Variants in ANKRD11 observed in about 807,000 individuals in gnomAD.
ANKRD11 encodes the protein ankyrin repeat domain 11.
A neutral mutation model predicts 195.7 loss-of-function variants in ANKRD11; 17 were observed. The ratio of observed to expected loss-of-function variants is 0.09; its 90% CI spans 0.06 to 0.13. The LOEUF (loss-of-function observed/expected upper bound fraction) is 0.13, where lower values mean the gene tolerates loss of function less well. ANKRD11 is among the 10% of genes least tolerant of loss of function. ANKRD11 has a pLI of 1.00. For synonymous variants in ANKRD11, 1,953 were observed against 1,528.1 expected (o/e 1.28, Z -6.49); for missense variants, 3,735 against 3,566.1 (o/e 1.05, Z -1.21).
chr16:89,281,632 A>G lies in ANKRD11; in HGVS notation c.4910T>C (p.Ile1637Thr). ...ADDGRKKGLD[I>T]PAKKPPGLDP... is the part of the protein sequence containing the mutation. ...CAGCCCCGGCGGTTTCTTAGCAGGA[A>G]TGTCCAGACCCTTCTTCCGCCCGTC... Residue 1637 changes from isoleucine (I) to threonine (T), a missense_variant, in exon 9 of 13, where the codon ATT (isoleucine) becomes ACT (threonine). Transcript: ENST00000301030. The surrounding 1 kb of genome is among the most constrained non-coding windows in gnomAD (Gnocchi z 5.5). 6.2e-7 allele frequency: 1 copy of G among 1,614,156 alleles called. No individual in the cohort carries two copies. Among genetic ancestry groups the G allele is most frequent in the Non-Finnish European group, 8.5e-7 (1 of 1,180,020 alleles).
At chr16:89,299,170 A>T (rs1206740620) in intron 4 of ANKRD11, 1 of 156,360 alleles carries the variant, frequency 6.4e-6, no homozygotes, top group Non-Finnish European at 1.4e-5. Flanking sequence ...GCCCCTGTGT[A>T]TCGAGGAGAG....
intron 2 of ANKRD11, among the ~76,000 whole-genome samples, chr16:89,327,657 T>C (rs2037806196): frequency 1.3e-5 from 2 of 152,110 alleles, no homozygotes; most frequent in Non-Finnish European, 2.9e-5. Flanking sequence ...AAATACACAG[T>C]ACCATTCTAT....
chr16:89,476,124 G>A (rs77754982), intron 1 of ANKRD11, among the ~76,000 whole-genome samples: 3,776 of 151,238 alleles, frequency 0.025, 99 homozygotes, highest in East Asian at 0.15. Flanking sequence ...TGCAAATTAT[G>A]AGAACAAAAA....
intron 1 of ANKRD11, among the ~76,000 whole-genome samples, chr16:89,468,154 G>T (rs1332080958): frequency 6.6e-6 from 1 of 152,154 alleles, no homozygotes; most frequent in African/African-American, 2.4e-5. Flanking sequence ...GGAAAGAAGG[G>T]TCTATTAACT....
In ANKRD11 at chr16:89,282,903, G is replaced by A. The variant is rs753377859; in HGVS notation, c.3639C>T (p.Ser1213=). The change falls in exon 9 of 13, where the codon TCC becomes TCT. Residue 1213 remains serine, a synonymous_variant. Coordinates refer to ENST00000301030, the MANE Select transcript of ANKRD11 (RefSeq NM_013275.6). ...CCTTCCTGTCCTTGTACTTTTCTGT[G>A]GACTCTTTATCCTTCTTCTCCTTGT... ...EKHKEKKDKE[S]TEKYKDRKDR... is the part of the protein sequence containing the mutation. 1.1e-5 allele frequency: 17 copies of A among 1,612,520 alleles called. No individual in the cohort carries two copies. In the Admixed American group the frequency reaches 1.7e-4, roughly 16 times the overall value.
intron 2 of ANKRD11, among the ~76,000 whole-genome samples, chr16:89,362,454 C>A (rs2039773243): frequency 6.6e-6 from 1 of 152,200 alleles, no homozygotes; most frequent in South Asian, 2.1e-4. Context: ...AAGTGAACAG[C>A]ACTGAAGCCG....
intron 2 of ANKRD11, among the ~76,000 whole-genome samples, chr16:89,336,639 GCAC>G (rs1019647361): frequency 3.9e-5 from 6 of 152,134 alleles, no homozygotes; most frequent in Non-Finnish European, 7.3e-5. Context: ...CCACCTGTGG[GCAC>G]CACACCCCCC....
At chr16:89,457,028 C>T (rs1226134073) in intron 1 of ANKRD11, among the ~76,000 whole-genome samples, 1 of 147,084 alleles carries the variant, frequency 6.8e-6, no homozygotes, top group Admixed American at 6.9e-5. Flanking sequence ...GGCGCAATCT[C>T]GGCTCACTGC....
At chr16:89,340,761 GA>G (rs1294594214) in intron 2 of ANKRD11, among the ~76,000 whole-genome samples, 3 of 152,154 alleles carry the variant, frequency 2.0e-5, no homozygotes, top group Non-Finnish European at 2.9e-5. Context: ...CAAAATCTTG[GA>G]AGAGGCACAA....
intron 4 of ANKRD11, among the ~76,000 whole-genome samples, chr16:89,295,673 G>A (rs1762808389): frequency 1.3e-5 from 2 of 152,138 alleles, no homozygotes. Flanking sequence ...AGGCAGCAGA[G>A]ACTGGAGGCG....
intron 1 of ANKRD11, among the ~76,000 whole-genome samples, chr16:89,464,067 C>A (rs954198015): frequency 3.3e-5 from 5 of 151,896 alleles, no homozygotes; most frequent in Admixed American, 6.6e-5. Context: ...GGTGAAACCC[C>A]GTCTCTACTA....
At chr16:89,273,576 G>A (rs1010841586) in intron 11 of ANKRD11, among the ~76,000 whole-genome samples, 2 of 151,804 alleles carry the variant, frequency 1.3e-5, no homozygotes, top group Non-Finnish European at 2.9e-5. Context: ...GCATGCCTGT[G>A]ATCCCAGCTA....
intron 2 of ANKRD11, among the ~76,000 whole-genome samples, chr16:89,364,698 G>A (rs1327608561): frequency 6.6e-6 from 1 of 152,134 alleles, no homozygotes; most frequent in East Asian, 1.9e-4. Flanking sequence ...ATTTGTGTTG[G>A]GCCACATTCA....
intron 2 of ANKRD11, among the ~76,000 whole-genome samples, chr16:89,381,734 T>C (rs1238694539): frequency 6.6e-6 from 1 of 152,152 alleles, no homozygotes; most frequent in East Asian, 1.9e-4. Context: ...GGAGAATACC[T>C]GTCAGCATAT....
At chr16:89,352,630 A>C (rs1368192763) in intron 2 of ANKRD11, among the ~76,000 whole-genome samples, 1 of 152,162 alleles carries the variant, frequency 6.6e-6, no homozygotes, top group Non-Finnish European at 1.5e-5. Context: ...TTGAAGGGTA[A>C]AAGCTCTGTC....
chr16:89,411,378 C>A (rs535929188), intron 2 of ANKRD11, among the ~76,000 whole-genome samples: 2 of 152,362 alleles, frequency 1.3e-5, no homozygotes, highest in East Asian at 3.9e-4. Flanking sequence ...CCTGGCTGGG[C>A]CAGACGCTAC....
At chr16:89,381,799 T>A (rs115397563) in intron 2 of ANKRD11, among the ~76,000 whole-genome samples, 3 of 152,168 alleles carry the variant, frequency 2.0e-5, no homozygotes, top group African/African-American at 4.8e-5. Context: ...CCCGAGCACA[T>A]TGACCCCACG....
intron 1 of ANKRD11, among the ~76,000 whole-genome samples, chr16:89,433,573 G>T (rs562308424): frequency 4.6e-5 from 7 of 152,216 alleles, no homozygotes; most frequent in African/African-American, 1.4e-4. Context: ...AGGGTTGGAC[G>T]TGGGGGCTGG....
intron 1 of ANKRD11, chr16:89,458,930 A>AC (rs1490332025): frequency 6.6e-6 from 1 of 152,130 alleles, no homozygotes; most frequent in East Asian, 1.9e-4. Context: ...GCAAACCCAC[A>AC]CCGTCGTGAC....
Sources: gnomAD v4.1 joint callset for allele counts (sites outside exome capture counted in the v4.1 genomes callset) on GRCh38, gnomAD v4.1.1 for gene constraint, Gnocchi (gnomAD v3.1) non-coding constraint, MANE v1.5 for transcripts, NCBI Gene and HGNC (gene_info 2026-07-23, HGNC 2026-07-21) for gene names.